The following SACM1L variants were observed in gnomAD, a reference collection of about 807,000 sequenced individuals.
The protein encoded by SACM1L is SAC1 like phosphatidylinositide phosphatase.
SACM1L carries 32 observed loss-of-function variants against 89.5 expected under a neutral mutation model. The observed-to-expected ratio is 0.36, with a 90% CI of 0.27 to 0.48. The LOEUF (loss-of-function observed/expected upper bound fraction) is 0.48. SACM1L is among the 20% of genes least tolerant of loss of function. SACM1L has a pLI of 0.99. For missense variants in SACM1L, 543 were observed against 708.5 expected (o/e 0.77, Z 2.65); for synonymous variants, 213 against 232.8 (o/e 0.92, Z 0.77).
chr3:45,724,754 A>G (rs1252555939), intron 11 of SACM1L, among the ~76,000 whole-genome samples: 3 of 152,056 alleles, frequency 2.0e-5, no homozygotes, highest in African/African-American at 7.2e-5. Flanking sequence ...AGGAGTCTTT[A>G]TAGTTTTAGA....
intron 4 of SACM1L, among the ~76,000 whole-genome samples, chr3:45,708,754 CAAAT>C (rs2125689245): frequency 6.6e-6 from 1 of 152,066 alleles, no homozygotes; most frequent in African/African-American, 2.4e-5. Context: ...TGTCTGAGCA[CAAAT>C]AAAAAATTTT....
chr3:45,703,066 A>G (rs1351981340), intron 1 of SACM1L, among the ~76,000 whole-genome samples: 2 of 152,214 alleles, frequency 1.3e-5, no homozygotes, highest in Non-Finnish European at 2.9e-5. Flanking sequence ...CAGAAAGGGA[A>G]TAAGAGGATC....
chr3:45,711,602 A>G (rs1228875166), intron 5 of SACM1L, among the ~76,000 whole-genome samples: 3 of 152,154 alleles, frequency 2.0e-5, no homozygotes, highest in Non-Finnish European at 4.4e-5. Context: ...CCAAGGCAAC[A>G]GCAAGACGGT....
rs772723969 is a variant in SACM1L at position 45,722,076 on chromosome 3, G to A, written c.756G>A (p.Ser252=). Residue 252 remains serine (S), a synonymous_variant, in exon 9 of 20, where the codon TCG becomes TCA. Transcript: ENST00000389061. The part of the protein sequence containing the change: ...QIVHYNGSKA[S]FVQTRGSIPV... ...TGCACTACAATGGGAGCAAAGCTTC[G>A]TTTGTACAGGCAAGTTGTTATGTCT... The A allele has an allele frequency of 7.5e-6, 12 of 1,607,784 alleles. No homozygotes were observed. Among genetic ancestry groups the A allele is most frequent in the Admixed American group, 1.7e-5 (1 of 59,600 alleles).
intron 1 of SACM1L, among the ~76,000 whole-genome samples, chr3:45,693,807 T>C (rs373107071): frequency 2.0e-5 from 3 of 152,364 alleles, no homozygotes; most frequent in East Asian, 1.9e-4. Flanking sequence ...AGAATATTGA[T>C]TTGCTCAGAA....
intron 7 of SACM1L, among the ~76,000 whole-genome samples, chr3:45,715,231 G>A (rs1412826154): frequency 6.6e-6 from 1 of 152,088 alleles, no homozygotes; most frequent in Non-Finnish European, 1.5e-5. Flanking sequence ...GAAGAAAACG[G>A]TGATGACATC....
intron 1 of SACM1L, 148 bp downstream of exon 1, chr3:45,689,645 C>T (rs1414291769): frequency 1.1e-6 from 1 of 928,568 alleles, no homozygotes. Flanking sequence ...GGCGCGGCCT[C>T]TCCTAGGCCT....
chr3:45,724,480 G>A (rs764574661), intron 11 of SACM1L, among the ~76,000 whole-genome samples: 3 of 151,980 alleles, frequency 2.0e-5, no homozygotes, highest in African/African-American at 4.8e-5. Flanking sequence ...AAATCCTTTC[G>A]CTATTTTTAA....
chr3:45,722,800 T>C, intron 9 of SACM1L, 69 bp from the exon 10 acceptor site: 2 of 1,175,150 alleles, frequency 1.7e-6, no homozygotes, highest in Admixed American at 1.9e-5. Flanking sequence ...TATACACCCC[T>C]GACAATAAGT....
At chr3:45,742,002 G>A (rs537674396) in intron 19 of SACM1L, among the ~76,000 whole-genome samples, 20 of 152,110 alleles carry the variant, frequency 1.3e-4, no homozygotes, top group Non-Finnish European at 2.8e-4. Context: ...ACTGCCCAGC[G>A]CATGCCATTT....
At chr3:45,723,221 A>G (rs546966899) in intron 10 of SACM1L, among the ~76,000 whole-genome samples, 15 of 152,274 alleles carry the variant, frequency 9.9e-5, no homozygotes, top group African/African-American at 3.6e-4. Context: ...TATGCTTTTT[A>G]GGGTACTTAA....
intron 7 of SACM1L, 59 bp downstream of exon 7, chr3:45,714,138 A>G: frequency 1.8e-6 from 2 of 1,105,538 alleles, no homozygotes; most frequent in African/African-American, 1.6e-5. Flanking sequence ...ATTTTATTAT[A>G]AGGCAGATTT....
At chr3:45,712,973 G>A (rs1447761639) in intron 5 of SACM1L, among the ~76,000 whole-genome samples, 164 bp from the exon 6 acceptor site, 1 of 152,196 alleles carries the variant, frequency 6.6e-6, no homozygotes, top group Non-Finnish European at 1.5e-5. Context: ...AGACAGAAAT[G>A]CCCACAGGAG....
At chr3:45,715,516 C>T (rs1698631622) in intron 7 of SACM1L, among the ~76,000 whole-genome samples, 1 of 152,118 alleles carries the variant, frequency 6.6e-6, no homozygotes, top group South Asian at 2.1e-4. Context: ...TGGCTCATGC[C>T]TGTAATCCCA....
Position 45,714,031 on chromosome 3 carries a change from A to C in SACM1L, c.544-15A>C, listed in dbSNP as rs752089310. ...TTTAAAGTATATTTATTCTAAATATATATCTTCATTTCAGGTTCATCGGTT... is the reference window on the plus strand; with the variant it reads ...TTTAAAGTATATTTATTCTAAATATCTATCTTCATTTCAGGTTCATCGGTT... On this transcript the variant is annotated splice_polypyrimidine_tract_variant and intron_variant, in intron 6 of 19. Transcript: ENST00000389061. 1.4e-6 allele frequency: 2 copies of C among 1,427,300 alleles called. No homozygotes were observed. The highest frequency in any genetic ancestry group is 2.8e-5 in the African/African-American group (2 of 70,434). 88.4% of individuals were successfully genotyped at this position (1,427,300 alleles called of 1,614,324 possible).
chr3:45,724,944 T>G (rs1258036738), intron 11 of SACM1L, among the ~76,000 whole-genome samples: 1 of 152,180 alleles, frequency 6.6e-6, no homozygotes, highest in African/African-American at 2.4e-5. Flanking sequence ...ATAAAAAGAC[T>G]GTTCTTTTCC....
rs1232885631 is a variant in SACM1L, at chr3:45,745,267, A to T, written c.*1598A>T. On this transcript the variant is annotated 3_prime_UTR_variant, in exon 20 of 20. Coordinates refer to ENST00000389061, the MANE Select transcript of SACM1L (RefSeq NM_014016.5). ...AACAAAGACCAAATCTGAACTGCTA[A>T]TGTGGCTGCTTTGTAGGGAATGGAC... The T allele has an allele frequency of 6.5e-6, 1 of 152,682 alleles. No homozygotes were observed. The highest frequency in any genetic ancestry group is 2.4e-5 in the African/African-American group (1 of 41,466). The allele number at this position is 152,682 out of a possible 1,614,324, so 9.5% of individuals were successfully genotyped here. A position where few individuals can be genotyped will look rare whatever the true frequency, so the allele number is the denominator to read the frequency against.
At chr3:45,698,094 T>TA (rs1238438027) in intron 1 of SACM1L, among the ~76,000 whole-genome samples, 1 of 152,212 alleles carries the variant, frequency 6.6e-6, no homozygotes, top group Non-Finnish European at 1.5e-5. Flanking sequence ...GCTAGAGAGT[T>TA]AAAGTTAATT....
intron 5 of SACM1L, among the ~76,000 whole-genome samples, chr3:45,711,055 G>A (rs1698516417): frequency 6.6e-6 from 1 of 152,310 alleles, no homozygotes; most frequent in African/African-American, 2.4e-5. Context: ...GGTAGTCAAA[G>A]AATGGTTGCT....
Sources: allele counts gnomAD v4.1 joint callset (sites outside exome capture counted in the v4.1 genomes callset), GRCh38; gene constraint gnomAD v4.1.1; transcripts MANE v1.5; gene names NCBI Gene and HGNC (gene_info 2026-07-23, HGNC 2026-07-21).